Variants in EPHX2 observed in about 807,000 individuals in gnomAD.
EPHX2 encodes bifunctional epoxide hydrolase 2.
Under a neutral mutation model 78.7 loss-of-function variants are expected in EPHX2, and 74 were observed. The ratio of observed to expected loss-of-function variants is 0.94; its 90% CI spans 0.78 to 1.14. The LOEUF is 1.14. Among genes scored for constraint, EPHX2 ranks in the 50% most tolerant of loss-of-function variants. EPHX2 has a pLI of 0.00. For missense variants in EPHX2, 715 were observed against 702.5 expected (o/e 1.02, Z -0.20); for synonymous variants, 251 against 255.2 (o/e 0.98, Z 0.16).
intron 18 of EPHX2, 24 bp downstream of exon 18, chr8:27,544,268 G>T (rs371085013): frequency 1.2e-6 from 2 of 1,613,304 alleles, no homozygotes; most frequent in African/African-American, 1.3e-5. Flanking sequence ...GGGCTCCTGG[G>T]GTCGGGGAGA....
chr8:27,496,439 C>A (rs1225314523), intron 1 of EPHX2, among the ~76,000 whole-genome samples: 1 of 152,144 alleles, frequency 6.6e-6, no homozygotes, highest in Non-Finnish European at 1.5e-5. Context: ...GCAAAGAGAA[C>A]CTTGGAGTCA....
chr8:27,506,800 A>G (rs1029664470), intron 4 of EPHX2, 72 bp from the exon 5 acceptor site: 2 of 1,562,966 alleles, frequency 1.3e-6, no homozygotes, highest in Admixed American at 2.0e-5. Context: ...TAATCTCCTC[A>G]TCATAAAATA....
chr8:27,521,513 C>T (rs72475873), intron 10 of EPHX2, among the ~76,000 whole-genome samples: 14 of 152,076 alleles, frequency 9.2e-5, no homozygotes, highest in African/African-American at 3.1e-4. Flanking sequence ...GACTTAAGGC[C>T]TCTTAATTGG....
intron 16 of EPHX2, among the ~76,000 whole-genome samples, chr8:27,543,116 TCTC>T (rs1423257900): frequency 1.3e-5 from 2 of 150,760 alleles, no homozygotes; most frequent in African/African-American, 4.9e-5. Flanking sequence ...TTTTTGACCT[TCTC>T]CTGGCTCCTG....
chr8:27,523,044 G>T (rs1043269920), intron 11 of EPHX2, among the ~76,000 whole-genome samples: 2 of 151,696 alleles, frequency 1.3e-5, no homozygotes, highest in African/African-American at 4.8e-5. Flanking sequence ...CAGGCAATGG[G>T]ACAAATAATT....
At chr8:27,514,816 G>C (rs1814389892) in intron 6 of EPHX2, among the ~76,000 whole-genome samples, 1 of 152,090 alleles carries the variant, frequency 6.6e-6, no homozygotes, top group African/African-American at 2.4e-5. Flanking sequence ...ACTGTAGGAG[G>C]GGGAGGTGCT....
At chr8:27,503,576 A>C (rs1036046641) in intron 2 of EPHX2, 28 bp from the exon 3 acceptor site, 5 of 1,586,578 alleles carry the variant, frequency 3.2e-6, no homozygotes, top group Middle Eastern at 1.7e-4. Flanking sequence ...GTGGCCATAC[A>C]AATTGTCCCC....
chr8:27,514,946 A>C (rs1814393804), intron 6 of EPHX2, among the ~76,000 whole-genome samples: 1 of 152,118 alleles, frequency 6.6e-6, no homozygotes, highest in Non-Finnish European at 1.5e-5. Context: ...GCTTGAACAG[A>C]TTTCATATTT....
rs559275781 is a variant in EPHX2, at chr8:27,542,705, G to A, written c.1450-1044G>A. Among the ~76,000 whole-genome samples the A allele has an allele frequency of 3.3e-5, 5 of 152,184 alleles. No homozygotes were observed. The East Asian group carries it at 7.7e-4, about 24-fold the overall frequency. ...TGCCCAGGCTAGAATGCAATGGCACGATCTCGGTTCACTGCAACCTCTGCC... is the reference window on the plus strand; with the variant it reads ...TGCCCAGGCTAGAATGCAATGGCACAATCTCGGTTCACTGCAACCTCTGCC... On this transcript the variant is annotated intron_variant, in intron 16 of 18. Coordinates refer to ENST00000521400, the MANE Select transcript of EPHX2 (RefSeq NM_001979.6).
Position 27,544,542 on chromosome 8 carries a change from C to A in EPHX2, c.*20C>A, listed in dbSNP as rs768382199. The A allele has an allele frequency of 6.2e-7, 1 of 1,612,898 alleles. No homozygotes were observed. The highest frequency in any genetic ancestry group is 8.5e-7 in the Non-Finnish European group (1 of 1,179,804). Reference sequence around the variant, plus strand: ...ATGTAGAACGCAGCGTGTGCCCACGCTCAGCAGGTGTGCCATCCTTCCACC... The same window carrying A: ...ATGTAGAACGCAGCGTGTGCCCACGATCAGCAGGTGTGCCATCCTTCCACC... On this transcript the variant is annotated 3_prime_UTR_variant, in exon 19 of 19. Coordinates refer to ENST00000521400, the MANE Select transcript of EPHX2 (RefSeq NM_001979.6).
At chr8:27,501,207 G>T (rs992775396) in intron 2 of EPHX2, among the ~76,000 whole-genome samples, 197 bp downstream of exon 2, 1 of 152,106 alleles carries the variant, frequency 6.6e-6, no homozygotes, top group East Asian at 1.9e-4. Context: ...AATGGTGAAC[G>T]AAAACTGTGA....
intron 3 of EPHX2, among the ~76,000 whole-genome samples, chr8:27,504,423 A>T (rs1187733229): frequency 6.6e-6 from 1 of 152,206 alleles, no homozygotes; most frequent in East Asian, 1.9e-4. Context: ...GCCAGGGGAT[A>T]ATCCTATTTC....
intron 13 of EPHX2, 97 bp downstream of exon 13, chr8:27,536,952 C>A: frequency 7.7e-7 from 1 of 1,296,252 alleles, no homozygotes; most frequent in Non-Finnish European, 1.1e-6. Context: ...AGCAATCTGG[C>A]CTCCTTTTCT....
At chr8:27,516,287 G>A (rs1305900493) in intron 7 of EPHX2, 33 bp from the exon 8 acceptor site, 1 of 1,599,580 alleles carries the variant, frequency 6.3e-7, no homozygotes, top group Non-Finnish European at 8.6e-7. Flanking sequence ...GGACTGATGG[G>A]ACCATGCTGG....
chr8:27,491,374 T>A (rs1227235164), intron 1 of EPHX2, 65 bp downstream of exon 1: 2 of 1,215,118 alleles, frequency 1.6e-6, no homozygotes, highest in Non-Finnish European at 2.2e-6. Context: ...GCGCTGGGCT[T>A]GCAGCCCAGC....
chr8:27,535,346 T>C lies in EPHX2; in HGVS notation c.1171-1438T>C, dbSNP rs550468412. On this transcript the variant is annotated intron_variant, in intron 12 of 18. Coordinates refer to ENST00000521400, the MANE Select transcript of EPHX2 (RefSeq NM_001979.6). The stretch of plus-strand genomic sequence containing the variant: ...ATGCACCACCATGCCCGGCTAATTT[T>C]GTATTTTTGGTAGAGACGGGGTTTT... Among the ~76,000 whole-genome samples the C allele has an allele frequency of 7.2e-5, 11 of 152,228 alleles. No homozygotes were observed. The East Asian group carries it at 2.1e-3, about 29-fold the overall frequency.
downstream of EPHX2, among the ~76,000 whole-genome samples, chr8:27,546,371 G>A (rs1230359624): frequency 6.6e-6 from 1 of 152,188 alleles, no homozygotes; most frequent in East Asian, 1.9e-4. Context: ...TGCTATGGAA[G>A]TATCAGCTAT....
intron 13 of EPHX2, among the ~76,000 whole-genome samples, chr8:27,537,874 G>A (rs1291443593): frequency 6.6e-6 from 1 of 152,094 alleles, no homozygotes; most frequent in African/African-American, 2.4e-5. Flanking sequence ...GTGAGTGTGG[G>A]TTTTGTAATT....
intron 14 of EPHX2, 144 bp downstream of exon 14, chr8:27,538,836 T>G: frequency 1.2e-6 from 1 of 824,578 alleles, no homozygotes; most frequent in South Asian, 1.4e-5. Flanking sequence ...TCGGCATGCA[T>G]AGGGCTGACT....
Sources: allele counts gnomAD v4.1 joint callset (sites outside exome capture counted in the v4.1 genomes callset), GRCh38; gene constraint gnomAD v4.1.1; transcripts MANE v1.5; gene names NCBI Gene and HGNC (gene_info 2026-07-23, HGNC 2026-07-21).